The following ENO4 variants were observed in gnomAD, a reference collection of about 807,000 sequenced individuals.
The protein encoded by ENO4 is enolase 4.
ENO4 carries 53 observed loss-of-function variants against 63.2 expected under a neutral mutation model. The ratio of observed to expected loss-of-function variants is 0.84; its 90% CI spans 0.67 to 1.05. The LOEUF (loss-of-function observed/expected upper bound fraction) is 1.05. Among genes scored for constraint, ENO4 ranks in the 50% least tolerant of loss-of-function variants. The pLI is 0.00. For synonymous variants in ENO4, 266 were observed against 283.8 expected (o/e 0.94, Z 0.63); for missense variants, 719 against 772.0 (o/e 0.93, Z 0.81).
At chr10:116,887,750 C>G (rs1466509089) in intron 10 of ENO4, among the ~76,000 whole-genome samples, 1 of 152,174 alleles carries the variant, frequency 6.6e-6, no homozygotes, top group Admixed American at 6.5e-5. Flanking sequence ...GCTTTACTCA[C>G]AATTCTATCC....
At chr10:116,879,181 C>G (rs1159162240) in intron 11 of ENO4, 110 bp from the exon 12 acceptor site, 16 of 692,756 alleles carry the variant, frequency 2.3e-5, no homozygotes, top group Non-Finnish European at 3.8e-5. Flanking sequence ...AAATAATTGA[C>G]TCTTCACAGG....
chr10:116,896,954 G>A (rs766385761), intron 10 of ENO4, among the ~76,000 whole-genome samples: 5 of 152,004 alleles, frequency 3.3e-5, no homozygotes, highest in African/African-American at 1.2e-4. Flanking sequence ...TTACAGGCAT[G>A]TGCCACCACA....
intron 10 of ENO4, chr10:116,907,838 C>A: frequency 1.9e-6 from 1 of 512,926 alleles, no homozygotes; most frequent in Admixed American, 2.0e-5. Flanking sequence ...TCCACCAAGG[C>A]TAATAATCTT....
rs1196474540 is a variant in ENO4 at position 116,879,851 on chromosome 10, T to A, written c.1606-18T>A. 5.2e-6 allele frequency: 8 copies of A among 1,542,868 alleles called. No homozygotes were observed. The highest frequency in any genetic ancestry group is 6.1e-6 in the Non-Finnish European group (7 of 1,142,384). ...ACATGGCTCCTCCGTCTAAAATTAG[T>A]TTTTTCCCCCCTTTCAGGCTGTTGG... On this transcript the variant is annotated intron_variant, in intron 12 of 13. Transcript: ENST00000341276.
intron 10 of ENO4, among the ~76,000 whole-genome samples, chr10:116,905,299 C>T (rs1380776205): frequency 9.3e-5 from 14 of 151,326 alleles, no homozygotes; most frequent in Non-Finnish European, 1.5e-5. Flanking sequence ...GATTAAGTCA[C>T]AAAATGAATA....
chr10:116,906,810 T>A, intron 10 of ENO4: 1 of 1,324,868 alleles, frequency 7.5e-7, no homozygotes, highest in Non-Finnish European at 1.0e-6. Context: ...CAAAAGAATA[T>A]AAAAATCAAA....
chr10:116,880,165 T>C (rs1434647635), intron 13 of ENO4, among the ~76,000 whole-genome samples, 179 bp downstream of exon 13: 1 of 152,214 alleles, frequency 6.6e-6, no homozygotes, highest in East Asian at 1.9e-4. Context: ...ATGGATCATC[T>C]ATTTACCTGA....
exon 11 of ENO4, chr10:116,911,531 G>A: frequency 6.4e-7 from 1 of 1,550,542 alleles, no homozygotes; most frequent in Middle Eastern, 1.7e-4. Context: ...TGCCAGGATT[G>A]GAGGGCAAGA....
chr10:116,898,762 CAAAA>C (rs986571365), intron 10 of ENO4, among the ~76,000 whole-genome samples: 2 of 151,106 alleles, frequency 1.3e-5, no homozygotes, highest in African/African-American at 2.4e-5. Flanking sequence ...AACAAACAAA[CAAAA>C]AAAACACCCT....
At chr10:116,900,439 T>A in intron 10 of ENO4, 1 of 1,144,286 alleles carries the variant, frequency 8.7e-7, no homozygotes, top group Non-Finnish European at 1.3e-6. Flanking sequence ...GGCCTGCAAT[T>A]ATTTCATTTC....
chr10:116,860,903 CT>C lies in ENO4; in HGVS notation c.745del (p.Cys249ValfsTer11). On this transcript the variant is annotated frameshift_variant, in exon 5 of 14. Transcript: ENST00000341276. LOFTEE classifies it high-confidence loss of function. ...CCGTGTCACTAGCTGTTGCCAAAGC[CT>C]GTGCCATGCTGCTTAATAAACCTCT... ...GAVSLAVAKA[C>X]AMLLNKPLYL... is the part of the protein sequence containing the mutation. 25 of 1,549,644 alleles carry C rather than the reference CT, an allele frequency of 1.6e-5. No homozygotes were observed. The highest frequency in any genetic ancestry group is 2.2e-5 in the Non-Finnish European group (25 of 1,146,244).
Position 116,873,371 on chromosome 10 carries a change from C to G in ENO4, c.1216-705C>G, listed in dbSNP as rs983751671. Among the ~76,000 whole-genome samples, 12 of 152,088 alleles carry G rather than the reference C, an allele frequency of 7.9e-5. No homozygotes were observed. The East Asian group carries it at 2.3e-3, about 29-fold the overall frequency. On this transcript the variant is annotated intron_variant, in intron 9 of 13. Coordinates refer to ENST00000341276, the MANE Select transcript of ENO4 (RefSeq NM_001242699.2). ...CCCAGTGCCAAAATATCCCAGGTAC[C>G]ATCCCTGAACATAGACTTAAAAGGA...
intron 1 of ENO4, among the ~76,000 whole-genome samples, chr10:116,855,301 G>T (rs1181903866): frequency 1.3e-5 from 2 of 152,104 alleles, no homozygotes; most frequent in African/African-American, 4.8e-5. Context: ...GTTGAAGAAG[G>T]CCTGCTAATC....
At chr10:116,879,728 G>A in intron 12 of ENO4, 141 bp from the exon 13 acceptor site, 1 of 676,670 alleles carries the variant, frequency 1.5e-6, no homozygotes, top group South Asian at 2.0e-5. Context: ...GTAGGCCACT[G>A]TGCTTACATA....
chr10:116,883,036 A>G (rs568352620), downstream of ENO4: 1 of 152,206 alleles, frequency 6.6e-6, no homozygotes, highest in Non-Finnish European at 1.5e-5. Context: ...GATATAAATT[A>G]TAATTAAATT....
At chr10:116,897,029 A>G (rs1847548529) in intron 10 of ENO4, among the ~76,000 whole-genome samples, 1 of 151,404 alleles carries the variant, frequency 6.6e-6, no homozygotes, top group Non-Finnish European at 1.5e-5. Context: ...CTGGTCTTGG[A>G]CTCCTGACCT....
At position 116,855,758 on chromosome 10, in the gene ENO4, G is replaced by A. The variant is rs1406665168; in HGVS notation, c.294+7G>A. 6 of 1,532,058 alleles carry A rather than the reference G, an allele frequency of 3.9e-6. No individual in the cohort carries two copies. Among genetic ancestry groups the A allele is most frequent in the African/African-American group, 2.7e-5 (2 of 72,924 alleles). 94.9% of individuals were successfully genotyped at this position (1,532,058 alleles called of 1,614,324 possible). A position where few individuals can be genotyped will look rare whatever the true frequency, so the allele number is the denominator to read the frequency against. ...CATTCAAAACTTTCCCAAGGTATGA[G>A]GCAGTTTAAGTGTGTTCTTTAATGT... On this transcript the variant is annotated splice_region_variant and intron_variant, in intron 2 of 13. Coordinates refer to ENST00000341276, the MANE Select transcript of ENO4 (RefSeq NM_001242699.2).
At chr10:116,866,826 T>C (rs1348919884) in intron 7 of ENO4, among the ~76,000 whole-genome samples, 1 of 150,706 alleles carries the variant, frequency 6.6e-6, no homozygotes, top group East Asian at 1.9e-4. Context: ...AAAAAAATCC[T>C]GTATGGGAGG....
chr10:116,865,504 AC>A (rs1846526674), intron 7 of ENO4, among the ~76,000 whole-genome samples: 1 of 152,106 alleles, frequency 6.6e-6, no homozygotes, highest in African/African-American at 2.4e-5. Context: ...TATACGGTAG[AC>A]CTATTTTCCT....
Sources: allele counts gnomAD v4.1 joint callset (sites outside exome capture counted in the v4.1 genomes callset), GRCh38; gene constraint gnomAD v4.1.1; transcripts MANE v1.5; gene names NCBI Gene and HGNC (gene_info 2026-07-23, HGNC 2026-07-21).